The following RLF variants were observed in gnomAD, a reference collection of about 807,000 sequenced individuals.
The protein encoded by RLF is RLF zinc finger.
RLF carries 7 observed loss-of-function variants against 162.9 expected under a neutral mutation model. The ratio of observed to expected loss-of-function variants is 0.04; its 90% CI spans 0.02 to 0.08. RLF has a LOEUF of 0.08. Among genes scored for constraint, RLF ranks in the 10% least tolerant of loss-of-function variants. The pLI is 1.00. For synonymous variants in RLF, 782 were observed against 791.5 expected (o/e 0.99, Z 0.20); for missense variants, 1,664 against 2,244.7 (o/e 0.74, Z 5.23).
chr1:40,190,386 A>G (rs1313292495), intron 2 of RLF, among the ~76,000 whole-genome samples: 1 of 152,034 alleles, frequency 6.6e-6, no homozygotes, highest in Non-Finnish European at 1.5e-5. Flanking sequence ...ACAGTTACAT[A>G]TATTTATCAT....
At chr1:40,234,979 T>G (rs1032111111) in intron 7 of RLF, among the ~76,000 whole-genome samples, 2 of 152,166 alleles carry the variant, frequency 1.3e-5, no homozygotes, top group African/African-American at 4.8e-5. Context: ...TACCAGATTC[T>G]TTCAGGAGGA....
intron 4 of RLF, among the ~76,000 whole-genome samples, chr1:40,201,521 G>A (rs1642719782): frequency 6.6e-6 from 1 of 151,572 alleles, no homozygotes; most frequent in African/African-American, 2.4e-5. Flanking sequence ...AGCTACTCGG[G>A]AGGCTGAGGC....
Position 40,236,242 on chromosome 1 carries a change from T to C in RLF, c.1540T>C (p.Tyr514His). Reference protein sequence around the residue: ...TDVLESFLSDYDEGKEDKQYR... With the variant: ...TDVLESFLSDHDEGKEDKQYR... Reference sequence around the variant, plus strand: ...TGTTTTAGAGTCATTTCTCAGTGACTATGATGAGGGTAAAGAAGATAAACA... The same window carrying C: ...TGTTTTAGAGTCATTTCTCAGTGACCATGATGAGGGTAAAGAAGATAAACA... The change falls in exon 8 of 8, where the codon TAT becomes CAT. Residue 514 changes from tyrosine to histidine, a missense_variant. By Grantham distance (83) the Tyr-to-His change is moderately conservative. This residue lies in a region of RLF where 54 missense variants were observed against 71.7 expected (regional missense o/e 0.75). Transcript: ENST00000372771. The surrounding 1 kb of genome is among the most constrained non-coding windows in gnomAD (Gnocchi z 7.7). 1 of 1,613,868 alleles carries C rather than the reference T, an allele frequency of 6.2e-7. No homozygotes were observed. Among genetic ancestry groups the C allele is most frequent in the Non-Finnish European group, 8.5e-7 (1 of 1,179,854 alleles).
At chr1:40,183,725 CTCA>C (rs759805981) in intron 1 of RLF, among the ~76,000 whole-genome samples, 2 of 151,954 alleles carry the variant, frequency 1.3e-5, no homozygotes, top group African/African-American at 2.4e-5. Context: ...AATTCAATCT[CTCA>C]TGTTTCCTCA....
intron 5 of RLF, among the ~76,000 whole-genome samples, chr1:40,205,212 G>A (rs919046560): frequency 3.3e-5 from 5 of 152,234 alleles, no homozygotes; most frequent in Admixed American, 2.0e-4. Flanking sequence ...CCAGCACTTA[G>A]GGAGGCCGAG....
chr1:40,189,605 CAG>C (rs1642529606), intron 2 of RLF, among the ~76,000 whole-genome samples: 2 of 152,090 alleles, frequency 1.3e-5, no homozygotes, highest in Non-Finnish European at 2.9e-5. Context: ...CAAAAAATAT[CAG>C]GGTACAGTAT....
intron 7 of RLF, among the ~76,000 whole-genome samples, chr1:40,235,244 A>G (rs770369268): frequency 5.9e-5 from 9 of 151,926 alleles, no homozygotes; most frequent in Non-Finnish European, 1.2e-4. Context: ...TATTTTTAGT[A>G]GAGACGGGGT....
At chr1:40,166,557 A>G (rs928608277) in intron 1 of RLF, among the ~76,000 whole-genome samples, 10 of 152,092 alleles carry the variant, frequency 6.6e-5, no homozygotes, top group Non-Finnish European at 1.5e-4. Context: ...AGGCACACGT[A>G]TGTTTATTGC....
Position 40,238,937 on chromosome 1 carries a change from C to T in RLF, c.4235C>T (p.Pro1412Leu). The T allele has an allele frequency of 6.2e-7, 1 of 1,614,212 alleles. No individual in the cohort carries two copies. The highest frequency in any genetic ancestry group is 8.5e-7 in the Non-Finnish European group (1 of 1,180,030). ...GCAGCAAGGTTTTCTTGTAACCAGC[C>T]TCAGTGCCCTGCTGTTTTTTATACA... ...GSAARFSCNQ[P>L]QCPAVFYTFN... The change falls in exon 8 of 8, where the codon CCT (proline) becomes CTT (leucine). Residue 1412 changes from proline (P) to leucine (L), a missense_variant. Around this residue, in one of 15 missense-constraint regions of RLF, gnomAD observed 200 missense variants for 207.3 expected, o/e 0.96. Coordinates refer to ENST00000372771, the MANE Select transcript of RLF (RefSeq NM_012421.4). The surrounding 1 kb of genome is among the most constrained non-coding windows in gnomAD (Gnocchi z 5.2).
chr1:40,161,395 G>A lies in RLF; in HGVS notation c.-5G>A, dbSNP rs1020302377. On this transcript the variant is annotated 5_prime_UTR_variant, in exon 1 of 8. Coordinates refer to ENST00000372771, the MANE Select transcript of RLF (RefSeq NM_012421.4). This position sits in a 1 kb window ranked among gnomAD's most constrained non-coding sequence, Gnocchi z 4.4. ...GTTGCCTACGCGCTGGTGGGCCGTG[G>A]GAAGATGGCGGACGGAAAGGGAGAC... 6.5e-6 allele frequency: 10 copies of A among 1,531,734 alleles called. No homozygotes were observed. Among genetic ancestry groups the A allele is most frequent in the African/African-American group, 5.7e-5 (4 of 70,536 alleles). The allele number at this position is 1,531,734 out of a possible 1,614,324, so 94.9% of individuals were successfully genotyped here.
At position 40,236,398 on chromosome 1, in the gene RLF, G is replaced by A; in HGVS notation, c.1696G>A (p.Glu566Lys). The A allele has an allele frequency of 6.2e-7, 1 of 1,614,056 alleles. No individual in the cohort carries two copies. Among genetic ancestry groups the A allele is most frequent in the Non-Finnish European group, 8.5e-7 (1 of 1,179,998 alleles). The change falls in exon 8 of 8, where the codon GAG becomes AAG. Residue 566 changes from glutamate (E) to lysine (K), a missense_variant. By Grantham distance (56) the Glu-to-Lys change is moderately conservative. Around this residue, in one of 15 missense-constraint regions of RLF, gnomAD observed 31 missense variants for 80.5 expected, o/e 0.39. Transcript: ENST00000372771. The surrounding 1 kb of genome is among the most constrained non-coding windows in gnomAD (Gnocchi z 7.7). ...TTTGTTATGTAAGCGGGAATGTATA[G>A]AGGCTAGAATTCTTCATCATTCTAA... ...FCLLCKRECI[E>K]ARILHHSKMH... is the part of the protein sequence containing the mutation.
Position 40,239,919 on chromosome 1 carries a change from A to G in RLF, c.5217A>G (p.Val1739=). 1.9e-5 allele frequency: 31 copies of G among 1,613,674 alleles called. No individual in the cohort carries two copies. Among genetic ancestry groups the G allele is most frequent in the Non-Finnish European group, 2.6e-5 (31 of 1,180,036 alleles). The part of the protein sequence containing the change: ...RQHSSGQENT[V]KNPTHVPKEN... ...ATAGTTCAGGGCAAGAAAACACTGT[A>G]AAAAATCCAACCCATGTCCCAAAAG... Residue 1739 remains valine (V), a synonymous_variant, in exon 8 of 8, where the codon GTA becomes GTG. Transcript: ENST00000372771.
At chr1:40,233,057 T>G (rs1025133729) in intron 7 of RLF, among the ~76,000 whole-genome samples, 2 of 147,012 alleles carry the variant, frequency 1.4e-5, no homozygotes, top group African/African-American at 2.6e-5. Flanking sequence ...ATCACACCAT[T>G]GCACTCCAGC....
intron 1 of RLF, among the ~76,000 whole-genome samples, chr1:40,170,544 G>A (rs762406998): frequency 2.6e-5 from 4 of 152,052 alleles, no homozygotes; most frequent in Non-Finnish European, 4.4e-5. Flanking sequence ...CAACTTGCCC[G>A]GCCTCCTTTC....
chr1:40,225,144 AT>A (rs1278659785), intron 6 of RLF, among the ~76,000 whole-genome samples: 1 of 152,296 alleles, frequency 6.6e-6, no homozygotes, highest in African/African-American at 2.4e-5. Flanking sequence ...AGATATCAGT[AT>A]TTTTTAAATG....
chr1:40,162,531 C>T (rs1557733967), intron 1 of RLF, among the ~76,000 whole-genome samples: 1 of 152,110 alleles, frequency 6.6e-6, no homozygotes, highest in Non-Finnish European at 1.5e-5. Context: ...TCTGTTGTAC[C>T]TTAGAAAATG....
At chr1:40,170,650 T>G (rs61780415) in intron 1 of RLF, among the ~76,000 whole-genome samples, 7,916 of 152,244 alleles carry the variant, frequency 0.052, 597 homozygotes, top group African/African-American at 0.17. Flanking sequence ...TTGCTAAAAT[T>G]TATTTGTAAA....
Position 40,231,454 on chromosome 1 carries a change from C to T in RLF, c.948-63C>T, listed in dbSNP as rs537322231. 1.3e-3 allele frequency: 1,926 copies of T among 1,508,004 alleles called. 14 individuals are homozygous for T. Among genetic ancestry groups the T allele is most frequent in the Admixed American group, 1.2e-3 (57 of 48,654 alleles). The allele number at this position is 1,508,004 out of a possible 1,614,324, so 93.4% of individuals were successfully genotyped here. A position where few individuals can be genotyped will look rare whatever the true frequency, so the allele number is the denominator to read the frequency against. ...TCTACAGATCAAAAAATTGGGTTGC[C>T]GGGGGCAGGGCAGCAAATACCAGTT... On this transcript the variant is annotated intron_variant, in intron 6 of 7. Transcript: ENST00000372771.
At chr1:40,230,834 A>G (rs955035713) in intron 6 of RLF, among the ~76,000 whole-genome samples, 7 of 152,110 alleles carry the variant, frequency 4.6e-5, no homozygotes, top group African/African-American at 1.7e-4. Context: ...TAGCATTTCT[A>G]TCCTTGGCAT....
Sources: gnomAD v4.1 joint callset for allele counts (sites outside exome capture counted in the v4.1 genomes callset) on GRCh38, gnomAD v4.1.1 for gene constraint, gnomAD v4.1.1 regional missense constraint, Gnocchi (gnomAD v3.1) non-coding constraint, MANE v1.5 for transcripts, NCBI Gene and HGNC (gene_info 2026-07-23, HGNC 2026-07-21) for gene names.